HEATR5A: variants seen among roughly 807,000 people sequenced by gnomAD.
HEATR5A encodes the protein HEAT repeat-containing protein 5A.
A neutral mutation model predicts 218.8 loss-of-function variants in HEATR5A; 178 were observed. The observed-to-expected ratio is 0.81, with a 90% confidence interval of 0.72 to 0.92. HEATR5A has a LOEUF of 0.92. Among genes scored for constraint, HEATR5A ranks in the 40% least tolerant of loss-of-function variants. The pLI is 0.00. For synonymous variants in HEATR5A, 864 were observed against 871.6 expected, an observed-to-expected ratio of 0.99 and a Z score of 0.15; for missense variants, 2,420 against 2,418.9, an observed-to-expected ratio of 1.00 and a Z score of -0.01.
intron 17 of HEATR5A, among the ~76,000 whole-genome samples, chr14:31,350,237 A>G (rs142234429): frequency 6.6e-6 from 1 of 152,342 alleles, no homozygotes; most frequent in African/African-American, 2.4e-5. Flanking sequence ...TTGAAAGAAC[A>G]TTAACAGAGA....
At chr14:31,394,590 C>T (rs912333066) in intron 5 of HEATR5A, among the ~76,000 whole-genome samples, 14 of 151,808 alleles carry the variant, frequency 9.2e-5, no homozygotes, top group African/African-American at 2.4e-4. Flanking sequence ...CCAAGGCGGG[C>T]GGATCACGAG....
intron 7 of HEATR5A, 31 bp downstream of exon 7, chr14:31,388,814 T>C: frequency 6.3e-7 from 1 of 1,585,614 alleles, no homozygotes; most frequent in Non-Finnish European, 8.7e-7. Context: ...CCAGTAAGAG[T>C]TAGACTGAGA....
At chr14:31,402,799 A>T in intron 2 of HEATR5A, 51 bp downstream of exon 2, 1 of 1,516,120 alleles carries the variant, frequency 6.6e-7, no homozygotes, top group Non-Finnish European at 8.8e-7. Context: ...AAACCAAAGG[A>T]AGTAAACATG....
chr14:31,345,316 G>T, intron 19 of HEATR5A, 40 bp from the exon 20 acceptor site: 1 of 1,402,556 alleles, frequency 7.1e-7, no homozygotes, highest in Non-Finnish European at 9.8e-7. Context: ...CATTACAGCA[G>T]CATTAAGAAA....
At chr14:31,399,757 G>A (rs954855528) in intron 3 of HEATR5A, among the ~76,000 whole-genome samples, 25 of 152,180 alleles carry the variant, frequency 1.6e-4, no homozygotes, top group African/African-American at 5.8e-4. Context: ...TCGAACCCAG[G>A]AGGCAGAGGT....
chr14:31,309,051 C>T lies in HEATR5A; in HGVS notation c.4573G>A (p.Gly1525Arg), dbSNP rs1045090448. The T allele has an allele frequency of 6.2e-7, 1 of 1,613,928 alleles. No homozygotes were observed. Among genetic ancestry groups the T allele is most frequent in the Non-Finnish European group, 8.5e-7 (1 of 1,179,878 alleles). Residue 1525 changes from glycine (G) to arginine (R), a missense_variant, in exon 29 of 36, where the codon GGA becomes AGA. Transcript: ENST00000543095. ...TGFVVADPDE[G>R]ASNLSRPVTP... ...ACAGGCCTGGAGAGATTAGATGCTC[C>T]TTCATCTGGGTCAGCAACAACAAAA... is the stretch of plus-strand genomic sequence containing the variant.
chr14:31,350,636 A>T lies in HEATR5A; in HGVS notation c.2493T>A (p.Val831=). ...ARQQVVQLHV[V]SSVSSFLKYV... The stretch of plus-strand genomic sequence containing the variant: ...CCTTCAAGAAACTAGAAACTGAAGA[A>T]ACAACATGTAACTGAACCACTTGCT... The change falls in exon 17 of 36, where the codon GTT becomes GTA. Residue 831 remains valine, a synonymous_variant. Coordinates refer to ENST00000543095, the MANE Select transcript of HEATR5A (RefSeq NM_015473.4). 1.9e-6 allele frequency: 3 copies of T among 1,592,486 alleles called. No homozygotes were observed. Among genetic ancestry groups the T allele is most frequent in the Non-Finnish European group, 8.6e-7 (1 of 1,166,058 alleles).
At chr14:31,404,553 TCAAGACTGCCTG>T (rs2030989524) in intron 1 of HEATR5A, among the ~76,000 whole-genome samples, 1 of 152,156 alleles carries the variant, frequency 6.6e-6, no homozygotes, top group South Asian at 2.1e-4. Context: ...TCCCTGTTGG[TCAAGACTGCCTG>T]CAATGCATTG....
At chr14:31,400,114 T>C (rs1314112212) in intron 3 of HEATR5A, among the ~76,000 whole-genome samples, 187 bp downstream of exon 3, 2 of 152,198 alleles carry the variant, frequency 1.3e-5, no homozygotes, top group African/African-American at 2.4e-5. Flanking sequence ...GTCTAAAGTA[T>C]TTGTAGAATT....
Position 31,420,498 on chromosome 14 carries a change from T to G in HEATR5A, c.-101A>C, listed in dbSNP as rs1033891615. On this transcript the variant is annotated 5_prime_UTR_variant, in exon 1 of 36. Transcript: ENST00000543095. Reference sequence around the variant, plus strand: ...TTTGGGGGTCCTCCTCAGCTGAGCGTGCGTCCCGGTCCAGCAACGTTACCG... The same window carrying G: ...TTTGGGGGTCCTCCTCAGCTGAGCGGGCGTCCCGGTCCAGCAACGTTACCG... 4 of 152,584 alleles carry G rather than the reference T, an allele frequency of 2.6e-5. No homozygotes were observed. Among genetic ancestry groups the G allele is most frequent in the Admixed American group, 6.5e-5 (1 of 15,286 alleles). 9.5% of individuals were successfully genotyped at this position (152,584 alleles called of 1,614,324 possible). A position where few individuals can be genotyped will look rare whatever the true frequency, so the allele number is the denominator to read the frequency against.
chr14:31,384,412 C>G lies in HEATR5A; in HGVS notation c.1346-641G>C, dbSNP rs148354045. Among the ~76,000 whole-genome samples the G allele has an allele frequency of 6.2e-4, 94 of 151,318 alleles. 2 individuals carry two copies. The East Asian group carries it at 0.017, about 28-fold the overall frequency. Reference sequence around the variant, plus strand: ...TGAGCCAAGATTGTGCCACTGTACTCCAACGTGGGTGACAGACTGAGACCC... The same window carrying G: ...TGAGCCAAGATTGTGCCACTGTACTGCAACGTGGGTGACAGACTGAGACCC... On this transcript the variant is annotated intron_variant, in intron 9 of 35. Coordinates refer to ENST00000543095, the MANE Select transcript of HEATR5A (RefSeq NM_015473.4).
intron 24 of HEATR5A, among the ~76,000 whole-genome samples, chr14:31,322,534 T>G (rs577901505): frequency 2.6e-5 from 4 of 152,272 alleles, no homozygotes; most frequent in South Asian, 4.2e-4. Context: ...AAATATGCAC[T>G]GTGGACAGGT....
At chr14:31,351,245 C>A (rs1901217158) in intron 16 of HEATR5A, among the ~76,000 whole-genome samples, 1 of 152,078 alleles carries the variant, frequency 6.6e-6, no homozygotes. Flanking sequence ...TAACACATAG[C>A]CTCACAGAAT....
chr14:31,361,609 T>C (rs191675616), intron 14 of HEATR5A, among the ~76,000 whole-genome samples: 148 of 152,282 alleles, frequency 9.7e-4, no homozygotes, highest in Middle Eastern at 3.4e-3. Context: ...TACCTAAAAA[T>C]AATTAAGATA....
intron 12 of HEATR5A, among the ~76,000 whole-genome samples, chr14:31,372,570 C>T (rs530722590): frequency 2.6e-5 from 4 of 152,136 alleles, no homozygotes; most frequent in East Asian, 3.9e-4. Context: ...GGCTCACACC[C>T]GTAATCCCAG....
Position 31,395,334 on chromosome 14 carries a change from A to T in HEATR5A, c.462T>A (p.Tyr154Ter). The T allele has an allele frequency of 6.6e-7, 1 of 1,513,044 alleles. No individual in the cohort carries two copies. Among genetic ancestry groups the T allele is most frequent in the South Asian group, 1.2e-5 (1 of 81,294 alleles). 93.7% of individuals were successfully genotyped at this position (1,513,044 alleles called of 1,614,324 possible). ...TATTTTGCAGACTTAGCATAATCTC[A>T]TATCGGCCTTGAGACTTCCAAAAAG... ...AMKSAESQGR[Y>*]EIMLSLQNIL... The change falls in exon 5 of 36, where the codon TAT becomes TAA. Residue 154 changes from tyrosine to a stop codon, truncating the protein, a stop_gained. Transcript: ENST00000543095. LOFTEE classifies it high-confidence loss of function.
At chr14:31,345,862 T>C (rs1393231428) in intron 19 of HEATR5A, among the ~76,000 whole-genome samples, 2 of 152,092 alleles carry the variant, frequency 1.3e-5, no homozygotes, top group East Asian at 3.9e-4. Flanking sequence ...TAATGTACTG[T>C]TTGTACATAG....
At chr14:31,327,456 G>A (rs1051713271) in intron 22 of HEATR5A, among the ~76,000 whole-genome samples, 3 of 151,460 alleles carry the variant, frequency 2.0e-5, no homozygotes, top group African/African-American at 7.3e-5. Flanking sequence ...ACCACGCCCT[G>A]CTAATTTTTG....
intron 21 of HEATR5A, among the ~76,000 whole-genome samples, chr14:31,341,609 G>C (rs1337811819): frequency 1.3e-5 from 2 of 151,998 alleles, no homozygotes; most frequent in African/African-American, 4.8e-5. Flanking sequence ...ATGTTCCCCA[G>C]GCTGGTTTTG....
Sources: gnomAD v4.1 joint callset for allele counts (sites outside exome capture counted in the v4.1 genomes callset) on GRCh38, gnomAD v4.1.1 for gene constraint, MANE v1.5 for transcripts, NCBI Gene and HGNC (gene_info 2026-07-23, HGNC 2026-07-21) for gene names.